CSMD2: variants seen among roughly 807,000 people sequenced by gnomAD.
The protein encoded by CSMD2 is CUB and Sushi multiple domains 2.
Under a neutral mutation model 398.5 loss-of-function variants are expected in CSMD2, and 130 were observed. That is an observed-to-expected ratio of 0.33 (90% CI 0.28 to 0.38). The LOEUF (loss-of-function observed/expected upper bound fraction) is 0.38. Among genes scored for constraint, CSMD2 ranks in the 10% least tolerant of loss-of-function variants. The pLI is 1.00. For synonymous variants in CSMD2, 1,828 were observed against 1,908.5 expected (o/e 0.96, Z 1.10); for missense variants, 3,829 against 4,764.9 (o/e 0.80, Z 5.78).
chr1:34,000,046 G>A (rs1646851792), intron 3 of CSMD2, among the ~76,000 whole-genome samples: 1 of 152,066 alleles, frequency 6.6e-6, no homozygotes, highest in Admixed American at 6.5e-5. Flanking sequence ...TGTATCTTTA[G>A]GGAAACAAGG....
chr1:33,893,672 G>A (rs533496560), intron 5 of CSMD2, among the ~76,000 whole-genome samples: 48 of 152,310 alleles, frequency 3.2e-4, no homozygotes, highest in African/African-American at 1.1e-3. Flanking sequence ...ACTTCACTCA[G>A]AGCACAGCCA....
chr1:33,521,370 T>C lies in CSMD2; in HGVS notation c.10597+93A>G. On this transcript the variant is annotated intron_variant, in intron 68 of 70. Coordinates refer to ENST00000373381, the MANE Select transcript of CSMD2 (RefSeq NM_001281956.2). ...GCCAAAGCACCCCCGCCTCAGACTG[T>C]TCAACTTCCCCAGTCCTCTACCTGA... 4 of 876,966 alleles carry C rather than the reference T, an allele frequency of 4.6e-6. No homozygotes were observed. The South Asian group carries it at 5.5e-5, about 12-fold the overall frequency. The allele number at this position is 876,966 out of a possible 1,614,324, so 54.3% of individuals were successfully genotyped here. A position where few individuals can be genotyped will look rare whatever the true frequency, so the allele number is the denominator to read the frequency against.
chr1:33,785,356 T>C (rs9887778), intron 12 of CSMD2, among the ~76,000 whole-genome samples: 9,749 of 152,242 alleles, frequency 0.064, 1,026 homozygotes, highest in African/African-American at 0.22. Context: ...TTATAAGGAA[T>C]TGAAATTATG....
At chr1:33,622,397 T>C in intron 36 of CSMD2, 126 bp from the exon 37 acceptor site, 1 of 683,608 alleles carries the variant, frequency 1.5e-6, no homozygotes, top group Non-Finnish European at 2.7e-6. Flanking sequence ...ATGTCCCCAG[T>C]TATGAAACTC....
intron 1 of CSMD2, among the ~76,000 whole-genome samples, chr1:34,113,882 A>T (rs1418185018): frequency 6.6e-6 from 1 of 152,224 alleles, no homozygotes; most frequent in African/African-American, 2.4e-5. Flanking sequence ...TGAAGGAAAA[A>T]GTTCAACTTG....
chr1:33,927,255 C>T (rs906562332), intron 4 of CSMD2, among the ~76,000 whole-genome samples: 1 of 152,124 alleles, frequency 6.6e-6, no homozygotes, highest in Admixed American at 6.6e-5. Flanking sequence ...TTGGACTCTG[C>T]CCATTTATCC....
chr1:33,592,084 G>A (rs184757874), intron 44 of CSMD2: 1 of 381,190 alleles, frequency 2.6e-6, no homozygotes, highest in African/African-American at 2.1e-5. Flanking sequence ...AATCAATTCA[G>A]GCTAGAATAA....
intron 44 of CSMD2, among the ~76,000 whole-genome samples, chr1:33,595,296 G>A (rs940807492): frequency 6.6e-6 from 1 of 152,138 alleles, no homozygotes; most frequent in Non-Finnish European, 1.5e-5. Context: ...GGTTTGCCTG[G>A]TGTTTCCTCC....
intron 37 of CSMD2, among the ~76,000 whole-genome samples, chr1:33,621,870 A>G (rs1036049252): frequency 3.9e-5 from 6 of 152,186 alleles, no homozygotes; most frequent in African/African-American, 9.7e-5. Context: ...AGGAAAGCAC[A>G]ATTTTCTTAC....
chr1:33,930,177 A>G (rs1385981150), intron 4 of CSMD2, among the ~76,000 whole-genome samples: 10 of 152,246 alleles, frequency 6.6e-5, no homozygotes, highest in Non-Finnish European at 1.5e-4. Context: ...TGGCTGGCTC[A>G]TAACAGGCAC....
intron 19 of CSMD2, among the ~76,000 whole-genome samples, chr1:33,721,230 T>C (rs1221466137): frequency 6.6e-6 from 1 of 152,176 alleles, no homozygotes; most frequent in African/African-American, 2.4e-5. Context: ...CTCTGTCTGC[T>C]CTATCACATA....
chr1:33,819,019 C>A (rs1657791816), intron 9 of CSMD2, among the ~76,000 whole-genome samples: 1 of 152,208 alleles, frequency 6.6e-6, no homozygotes, highest in African/African-American at 2.4e-5. Context: ...TACCTAACAG[C>A]CTAGTGCACA....
Position 33,724,712 on chromosome 1 carries a change from A to T in CSMD2, c.2696-8T>A, listed in dbSNP as rs1474192025. ...CTGACTGCAGTGTTATAGCTGAAAG[A>T]GAGAGGCCACAGCTGGGACAGACAG... On this transcript the variant is annotated splice_polypyrimidine_tract_variant and splice_region_variant and intron_variant, in intron 17 of 70. Transcript: ENST00000373381. 6.2e-7 allele frequency: 1 copy of T among 1,613,072 alleles called. No homozygotes were observed. Among genetic ancestry groups the T allele is most frequent in the Non-Finnish European group, 8.5e-7 (1 of 1,179,414 alleles).
At chr1:33,781,370 C>A (rs1266663519) in intron 12 of CSMD2, among the ~76,000 whole-genome samples, 2 of 152,240 alleles carry the variant, frequency 1.3e-5, no homozygotes, top group Non-Finnish European at 2.9e-5. Context: ...TGTCTTCTAG[C>A]ACTTGTTCTA....
chr1:33,693,379 C>G (rs768078007), intron 24 of CSMD2, among the ~76,000 whole-genome samples: 1 of 152,142 alleles, frequency 6.6e-6, no homozygotes, highest in Non-Finnish European at 1.5e-5. Flanking sequence ...TAGGGAAATA[C>G]AAATCAAACT....
chr1:34,091,887 G>C (rs1052598092), intron 1 of CSMD2, among the ~76,000 whole-genome samples: 5 of 152,124 alleles, frequency 3.3e-5, no homozygotes, highest in Non-Finnish European at 5.9e-5. Flanking sequence ...CTTATTGGAA[G>C]AGTTAACCCA....
chr1:34,085,189 T>C (rs945757971), intron 2 of CSMD2, among the ~76,000 whole-genome samples: 3 of 151,648 alleles, frequency 2.0e-5, no homozygotes, highest in African/African-American at 7.3e-5. Flanking sequence ...ATGACAACAC[T>C]TGGACACAGG....
At position 33,860,534 on chromosome 1, in the gene CSMD2, A is replaced by G. The variant is rs147791306; in HGVS notation, c.921-13538T>C. Reference sequence around the variant, plus strand: ...TACTATTTGTCCCTTTCCATGTTCTATTCATTAGTAGTGGGTGGCTAAGTC... The same window carrying G: ...TACTATTTGTCCCTTTCCATGTTCTGTTCATTAGTAGTGGGTGGCTAAGTC... On this transcript the variant is annotated intron_variant, in intron 5 of 70. Coordinates refer to ENST00000373381, the MANE Select transcript of CSMD2 (RefSeq NM_001281956.2). 1.1e-3 allele frequency: 161 copies of G among 152,226 alleles called. 1 individual carries two copies. The highest frequency in any genetic ancestry group is 3.8e-3 in the African/African-American group (158 of 41,534). The allele number at this position is 152,226 out of a possible 1,614,324, so 9.4% of individuals were successfully genotyped here. A position where few individuals can be genotyped will look rare whatever the true frequency, so the allele number is the denominator to read the frequency against.
At chr1:33,822,990 T>C (rs1407867231) in intron 7 of CSMD2, among the ~76,000 whole-genome samples, 1 of 152,170 alleles carries the variant, frequency 6.6e-6, no homozygotes, top group African/African-American at 2.4e-5. Context: ...GTGAAGAACA[T>C]ATGGCGGTTC....
Sources: gnomAD v4.1 joint callset for allele counts (sites outside exome capture counted in the v4.1 genomes callset) on GRCh38, gnomAD v4.1.1 for gene constraint, MANE v1.5 for transcripts, NCBI Gene and HGNC (gene_info 2026-07-23, HGNC 2026-07-21) for gene names.